The following ZFP64 variants were observed in gnomAD, a reference collection of about 807,000 sequenced individuals.
The protein encoded by ZFP64 is zinc finger protein 64.
Under a neutral mutation model 51.6 loss-of-function variants are expected in ZFP64, and 14 were observed. That is an observed-to-expected ratio of 0.27 (90% CI 0.18 to 0.42). The LOEUF (loss-of-function observed/expected upper bound fraction) is 0.42, where lower values mean the gene tolerates loss of function less well. ZFP64 is among the 10% of genes least tolerant of loss of function. The probability of loss-of-function intolerance (pLI) is 1.00; values close to 1 mark genes in which losing one functional copy is unlikely to be tolerated. For missense variants in ZFP64, 754 were observed against 906.8 expected (o/e 0.83, Z 2.16); for synonymous variants, 375 against 361.4 (o/e 1.04, Z -0.43).
At chr20:52,116,645 A>T (rs1978888592) in intron 5 of ZFP64, among the ~76,000 whole-genome samples, 1 of 152,156 alleles carries the variant, frequency 6.6e-6, no homozygotes, top group African/African-American at 2.4e-5. Flanking sequence ...AAAGTGTACA[A>T]ATTATGCTGT....
chr20:52,132,773 A>G (rs11696775), intron 5 of ZFP64, among the ~76,000 whole-genome samples: 3 of 152,188 alleles, frequency 2.0e-5, no homozygotes, highest in Non-Finnish European at 2.9e-5. Flanking sequence ...GAATTCTGCT[A>G]AACATTGAAA....
rs2078856583 is a variant in ZFP64, at chr20:52,085,684, C to T, written c.1229-418G>A. On this transcript the variant is annotated intron_variant, in intron 8 of 8. Coordinates refer to the ZFP64 transcript ENST00000361387. This position sits in a 1 kb window ranked among gnomAD's most constrained non-coding sequence, Gnocchi z 4.3. ...ACAACTGCTTCAAATCAAGCTAAGACCTGTGAAGACGCTTACTATAGTGTT... is the reference window on the plus strand; with the variant it reads ...ACAACTGCTTCAAATCAAGCTAAGATCTGTGAAGACGCTTACTATAGTGTT... 1.3e-5 allele frequency among the ~76,000 whole-genome samples: 2 copies of T among 152,134 alleles called. No homozygotes were observed. Among genetic ancestry groups the T allele is most frequent in the African/African-American group, 4.8e-5 (2 of 41,402 alleles).
At chr20:52,171,357 ATATGTG>A (rs59871770) in intron 2 of ZFP64, among the ~76,000 whole-genome samples, 7,303 of 151,960 alleles carry the variant, frequency 0.048, 468 homozygotes, top group East Asian at 0.15. Flanking sequence ...GTGTGTGTGC[ATATGTG>A]TATGTGTATG....
At chr20:52,162,287 G>A (rs888031860) in intron 4 of ZFP64, among the ~76,000 whole-genome samples, 2 of 151,086 alleles carry the variant, frequency 1.3e-5, no homozygotes. Flanking sequence ...GACAGAGTGA[G>A]ACTCCATCTC....
chr20:52,124,435 CATGT>C (rs945424059), intron 5 of ZFP64, among the ~76,000 whole-genome samples: 151 of 152,124 alleles, frequency 9.9e-4, no homozygotes, highest in African/African-American at 3.5e-3. Flanking sequence ...TTACCCTGTG[CATGT>C]ATTACTTTTC....
chr20:52,103,390 T>C (rs989186368), intron 5 of ZFP64, among the ~76,000 whole-genome samples: 1 of 152,140 alleles, frequency 6.6e-6, no homozygotes, highest in East Asian at 1.9e-4. Flanking sequence ...AGACCAAAGG[T>C]ACTAGGATAA....
At chr20:52,088,847 G>T (rs1291119462) in intron 7 of ZFP64, 3 of 742,864 alleles carry the variant, frequency 4.0e-6, no homozygotes, top group Non-Finnish European at 6.7e-6. Context: ...CTAAGGGAAA[G>T]ATGACATAAA....
chr20:52,088,434 G>A (rs1003446473), exon 8 of ZFP64: 7 of 1,614,018 alleles, frequency 4.3e-6, no homozygotes, highest in East Asian at 2.2e-5. Flanking sequence ...CTGGAGTTGC[G>A]GCTGGCATAG....
At chr20:52,090,648 A>C (rs2078914342) in intron 7 of ZFP64, among the ~76,000 whole-genome samples, 1 of 151,828 alleles carries the variant, frequency 6.6e-6, no homozygotes, top group African/African-American at 2.4e-5. Context: ...AAAATACAAA[A>C]ATTAGCTGGG....
intron 5 of ZFP64, among the ~76,000 whole-genome samples, chr20:52,140,120 G>C (rs1294692256): frequency 6.6e-6 from 1 of 152,044 alleles, no homozygotes. Flanking sequence ...TGTGTGTTCT[G>C]ACTGCTCCAC....
chr20:52,095,549 G>A (rs143415331), intron 7 of ZFP64, among the ~76,000 whole-genome samples: 33 of 152,310 alleles, frequency 2.2e-4, no homozygotes, highest in African/African-American at 7.7e-4. Flanking sequence ...AGGCCTCCAT[G>A]CCTTTTCTCC....
intron 5 of ZFP64, among the ~76,000 whole-genome samples, chr20:52,135,865 G>A (rs893438054): frequency 1.2e-4 from 18 of 151,894 alleles, no homozygotes; most frequent in African/African-American, 2.4e-4. Context: ...TTGGGAGGCC[G>A]AGGTGGGTGG....
rs191106869 is a variant in ZFP64, at chr20:52,175,805, C to T, written c.287-9780G>A. 1,007 of 642,306 alleles carry T rather than the reference C, an allele frequency of 1.6e-3. 13 individuals carry two copies. In the African/African-American group the frequency reaches 0.019, roughly 12 times the overall value. The allele number at this position is 642,306 out of a possible 1,614,324, so 39.8% of individuals were successfully genotyped here. A position where few individuals can be genotyped will look rare whatever the true frequency, so the allele number is the denominator to read the frequency against. ...GTTGCAGTGAGCCGAGATCGCACTA[C>T]ACTCCAGCCTGGGTGGCAGAGTGAG... is the stretch of plus-strand genomic sequence containing the variant. On this transcript the variant is annotated intron_variant, in intron 2 of 5. Transcript: ENST00000216923.
chr20:52,088,173 T>TGGG, intron 8 of ZFP64: 1 of 677,026 alleles, frequency 1.5e-6, no homozygotes, highest in East Asian at 2.8e-5. Context: ...AGCTGGATTC[T>TGGG]ATATAGTCAA....
rs368784367 is a variant in ZFP64 at position 52,175,725 on chromosome 20, T to A, written c.287-9700A>T. Among the ~76,000 whole-genome samples, 30 of 152,018 alleles carry A rather than the reference T, an allele frequency of 2.0e-4. 1 individual carries two copies. The highest frequency in any genetic ancestry group is 1.1e-3 in the Admixed American group (17 of 15,280). ...CGGACGTGGTGGTGGGCGCCTGGAA[T>A]CCCAGGCACGTGGGAGGCTGAGGCA... On this transcript the variant is annotated intron_variant, in intron 2 of 5. Coordinates refer to ENST00000216923, the MANE Select transcript of ZFP64 (RefSeq NM_018197.3).
intron 3 of ZFP64, chr20:52,165,022 C>T (rs1331049159): frequency 5.0e-6 from 3 of 601,762 alleles, no homozygotes; most frequent in Non-Finnish European, 9.3e-6. Flanking sequence ...AAATCACTGG[C>T]CTATACTTTT....
chr20:52,114,539 T>G (rs1347078985), intron 5 of ZFP64, among the ~76,000 whole-genome samples: 1 of 152,232 alleles, frequency 6.6e-6, no homozygotes. Context: ...GAATGGCTAG[T>G]AAAGCCTGTT....
rs770538512 is a variant in ZFP64 at position 52,085,145 on chromosome 20, G to A, written c.1350C>T (p.Arg450=). Residue 450 remains arginine (R), a synonymous_variant, in exon 9 of 9, where the codon CGC becomes CGT. Coordinates refer to the ZFP64 transcript ENST00000361387. The surrounding 1 kb of genome is among the most constrained non-coding windows in gnomAD (Gnocchi z 4.3). ...ATTTGAGATTCGCCTTCATGGTGCA[G>A]CGGACGTCGCAGAACTCGCACTTGA... is the stretch of plus-strand genomic sequence containing the variant. 1 of 1,614,260 alleles carries A rather than the reference G, an allele frequency of 6.2e-7. No homozygotes were observed. Among genetic ancestry groups the A allele is most frequent in the South Asian group, 1.1e-5 (1 of 91,092 alleles).
rs1456814339 is a variant in ZFP64 at position 52,186,979 on chromosome 20, C to T, written c.139G>A (p.Val47Ile). Residue 47 changes from valine to isoleucine, a missense_variant, in exon 2 of 6, where the codon GTA (valine) becomes ATA (isoleucine). By Grantham distance (29) the Val-to-Ile change is conservative. Coordinates refer to ENST00000216923, the MANE Select transcript of ZFP64 (RefSeq NM_018197.3). ...TGGCAGCCACTTTGCTTGTGAGCTA[C>T]AAAGGCATCCAGGTTGTTAAACTGC... ...KQQFNNLDAF[V>I]AHKQSGCQLT... is the part of the protein sequence containing the mutation. 1 of 1,613,996 alleles carries T rather than the reference C, an allele frequency of 6.2e-7. No homozygotes were observed. The highest frequency in any genetic ancestry group is 8.5e-7 in the Non-Finnish European group (1 of 1,179,990).
Sources: allele counts gnomAD v4.1 joint callset (sites outside exome capture counted in the v4.1 genomes callset), GRCh38; gene constraint gnomAD v4.1.1; non-coding constraint Gnocchi (gnomAD v3.1); transcripts MANE v1.5; gene names NCBI Gene and HGNC (gene_info 2026-07-23, HGNC 2026-07-21).